The following FBXW12 variants were observed in gnomAD, a reference collection of about 807,000 sequenced individuals.
The protein encoded by FBXW12 is F-box and WD repeat domain containing 12, also known as F-box/WD repeat-containing protein 12.
A neutral mutation model predicts 55.3 loss-of-function variants in FBXW12; 43 were observed. That is an observed-to-expected ratio of 0.78 (90% CI 0.61 to 1.00). The LOEUF (loss-of-function observed/expected upper bound fraction) is 1.00, where lower values mean the gene tolerates loss of function less well. FBXW12 is among the 50% of genes least tolerant of loss of function. The probability of loss-of-function intolerance (pLI) is 0.00; values close to 1 mark genes in which losing one functional copy is unlikely to be tolerated. For missense variants in FBXW12, 524 were observed against 560.5 expected (o/e 0.93, Z 0.66); for synonymous variants, 184 against 203.8 (o/e 0.90, Z 0.83).
At chr3:48,373,267 G>T (rs770154464) in intron 2 of FBXW12, 41 bp from the exon 3 acceptor site, 1 of 1,614,104 alleles carries the variant, frequency 6.2e-7, no homozygotes, top group Non-Finnish European at 8.5e-7. Context: ...GCTCTCTGAT[G>T]TAACTGATTG....
chr3:48,375,591 A>G, intron 5 of FBXW12, 119 bp downstream of exon 5: 1 of 647,560 alleles, frequency 1.5e-6, no homozygotes, highest in Non-Finnish European at 2.7e-6. Flanking sequence ...AAAGTGTCAA[A>G]TCAGGTTTTC....
intron 8 of FBXW12, 128 bp from the exon 9 acceptor site, chr3:48,381,572 C>T: frequency 9.5e-7 from 1 of 1,056,854 alleles, no homozygotes; most frequent in Non-Finnish European, 1.3e-6. Flanking sequence ...ATTTTCTTCC[C>T]CGGAATGAAG....
chr3:48,381,021 A>AG, intron 8 of FBXW12, 109 bp downstream of exon 8: 1 of 631,424 alleles, frequency 1.6e-6, no homozygotes, highest in Non-Finnish European at 2.5e-6. Flanking sequence ...GGGGATTTCT[A>AG]GTTTTTTTTT....
chr3:48,391,251 C>G (rs961243200), intron 10 of FBXW12, among the ~76,000 whole-genome samples: 5 of 151,104 alleles, frequency 3.3e-5, no homozygotes, highest in African/African-American at 9.7e-5. Context: ...CCACTGCACT[C>G]CAGACTGAGT....
At chr3:48,392,175 A>C (rs941705854) in intron 10 of FBXW12, among the ~76,000 whole-genome samples, 1 of 152,192 alleles carries the variant, frequency 6.6e-6, no homozygotes, top group Non-Finnish European at 1.5e-5. Flanking sequence ...AGAACCGGCC[A>C]GGCATGGTGG....
At chr3:48,374,856 G>A (rs1024138685) in intron 4 of FBXW12, among the ~76,000 whole-genome samples, 1 of 140,912 alleles carries the variant, frequency 7.1e-6, no homozygotes, top group Non-Finnish European at 1.5e-5. Context: ...TGCAACCTCC[G>A]CCTCCTGGGT....
Position 48,394,575 on chromosome 3 carries a change from G to C in FBXW12, c.1311G>C (p.Val437=). ...CCATTGACAGCTGCATCTCCAGTGT[G>C]ATGTGTGATAATGCAAGCATAGTAC... ...DHTTDSCISS[V]MCDNASIVLR... is the part of the protein sequence containing the mutation. Residue 437 remains valine, a synonymous_variant, in exon 11 of 11, where the codon GTG becomes GTC. Transcript: ENST00000296438. 6.3e-7 allele frequency: 1 copy of C among 1,599,920 alleles called. No homozygotes were observed.
intron 10 of FBXW12, among the ~76,000 whole-genome samples, chr3:48,384,613 C>G (rs1428895336): frequency 6.6e-6 from 1 of 152,178 alleles, no homozygotes; most frequent in Non-Finnish European, 1.5e-5. Flanking sequence ...TTTGGTCTTT[C>G]ACCATTATTA....
At position 48,388,165 on chromosome 3, in the gene FBXW12, A is replaced by G. The variant is rs552867902; in HGVS notation, c.1295+6080A>G. Among the ~76,000 whole-genome samples, 17 of 152,226 alleles carry G rather than the reference A, an allele frequency of 1.1e-4. No individual in the cohort carries two copies. In the East Asian group the frequency reaches 2.3e-3, roughly 21 times the overall value. On this transcript the variant is annotated intron_variant, in intron 10 of 10. Transcript: ENST00000296438. ...TTCCATATTTTCTTCATTCTTTTATAGTTGTTAAAATCTGTTTTGTCACCC... is the reference window on the plus strand; with the variant it reads ...TTCCATATTTTCTTCATTCTTTTATGGTTGTTAAAATCTGTTTTGTCACCC...
At chr3:48,390,037 T>TC (rs1394585438) in intron 10 of FBXW12, among the ~76,000 whole-genome samples, 1 of 152,234 alleles carries the variant, frequency 6.6e-6, no homozygotes, top group Non-Finnish European at 1.5e-5. Context: ...CTGGGTTCTC[T>TC]ATTCTGTTCC....
Position 48,379,534 on chromosome 3 carries a change from G to A in FBXW12, c.750G>A (p.Gly250=). ...SPDKKWVFAC[G]TYSRTLPQVF... Reference sequence around the variant, plus strand: ...ACAAGAAATGGGTATTTGCATGTGGGACATACAGTCGTACCTTGCCACAGG... The same window carrying A: ...ACAAGAAATGGGTATTTGCATGTGGAACATACAGTCGTACCTTGCCACAGG... Residue 250 remains glycine (G), a synonymous_variant, in exon 7 of 11, where the codon GGG becomes GGA. Coordinates refer to ENST00000296438, the MANE Select transcript of FBXW12 (RefSeq NM_207102.2). The A allele has an allele frequency of 6.2e-7, 1 of 1,614,074 alleles. No homozygotes were observed.
intron 10 of FBXW12, 33 bp from the exon 11 acceptor site, chr3:48,394,527 T>G (rs781357686): frequency 6.4e-6 from 8 of 1,250,046 alleles, no homozygotes; most frequent in Non-Finnish European, 4.7e-6. Context: ...CTTTCTCTTT[T>G]GTTCACTGAT....
intron 10 of FBXW12, 121 bp from the exon 11 acceptor site, chr3:48,394,439 G>C (rs924918686): frequency 3.2e-6 from 2 of 629,642 alleles, no homozygotes; most frequent in Admixed American, 3.2e-5. Flanking sequence ...AAATCTAAGA[G>C]CACGAAGGAC....
At position 48,380,734 on chromosome 3, in the gene FBXW12, A is replaced by G; in HGVS notation, c.807A>G (p.Ser269=). Residue 269 remains serine (S), a synonymous_variant, in exon 8 of 11, where the codon TCA becomes TCG. Coordinates refer to ENST00000296438, the MANE Select transcript of FBXW12 (RefSeq NM_207102.2). ...TCACAGAGTCCTTACTGAGACCATC[A>G]GAAGGCAGTGTTCCTCTGTCTACCT... The part of the protein sequence containing the change: ...VFLTESLLRP[S]EGSVPLSTFL... 6.2e-7 allele frequency: 1 copy of G among 1,614,032 alleles called. No individual in the cohort carries two copies. Among genetic ancestry groups the G allele is most frequent in the Non-Finnish European group, 8.5e-7 (1 of 1,179,882 alleles).
At chr3:48,389,358 T>G (rs1324088846) in intron 10 of FBXW12, among the ~76,000 whole-genome samples, 1 of 152,200 alleles carries the variant, frequency 6.6e-6, no homozygotes, top group African/African-American at 2.4e-5. Flanking sequence ...GATAGTTTCT[T>G]TTGCTGTGCA....
At chr3:48,375,269 G>A in intron 4 of FBXW12, 85 bp from the exon 5 acceptor site, 1 of 874,896 alleles carries the variant, frequency 1.1e-6, no homozygotes. Context: ...TCCTAAGAGG[G>A]TACAGAAATA....
intron 7 of FBXW12, among the ~76,000 whole-genome samples, chr3:48,380,466 A>AT (rs1560031738): frequency 6.6e-6 from 1 of 152,232 alleles, no homozygotes; most frequent in African/African-American, 2.4e-5. Flanking sequence ...AGATGGTTTC[A>AT]TAACACCTTA....
intron 8 of FBXW12, among the ~76,000 whole-genome samples, chr3:48,381,421 A>T (rs2036771197): frequency 6.6e-6 from 1 of 152,126 alleles, no homozygotes; most frequent in South Asian, 2.1e-4. Flanking sequence ...GGGCGAACAC[A>T]TATAGATTTC....
Position 48,372,247 on chromosome 3 carries a change from G to A in FBXW12, c.-158G>A. 6.4e-7 allele frequency: 1 copy of A among 1,551,544 alleles called. No homozygotes were observed. The highest frequency in any genetic ancestry group is 8.7e-7 in the Non-Finnish European group (1 of 1,146,722). Reference sequence around the variant, plus strand: ...TTTCTCCTCCACTGCAAAGTTAAATGCGAGAAGGTAGAAACCCAGAGGCCA... The same window carrying A: ...TTTCTCCTCCACTGCAAAGTTAAATACGAGAAGGTAGAAACCCAGAGGCCA... On this transcript the variant is annotated 5_prime_UTR_variant, in exon 1 of 11. The change abolishes an upstream ATG in the 5' untranslated region. Coordinates refer to ENST00000296438, the MANE Select transcript of FBXW12 (RefSeq NM_207102.2).
Sources: gnomAD v4.1 joint callset for allele counts (sites outside exome capture counted in the v4.1 genomes callset) on GRCh38, gnomAD v4.1.1 for gene constraint, MANE v1.5 for transcripts, NCBI Gene and HGNC (gene_info 2026-07-23, HGNC 2026-07-21) for gene names.